HPSE2: variants seen among roughly 807,000 people sequenced by gnomAD.
The protein encoded by HPSE2 is heparanase 2 (inactive).
A neutral mutation model predicts 60.5 loss-of-function variants in HPSE2; 38 were observed. The observed-to-expected ratio is 0.63, with a 90% confidence interval of 0.48 to 0.82. The LOEUF (loss-of-function observed/expected upper bound fraction) is 0.82, where lower values mean the gene tolerates loss of function less well. HPSE2 is among the 40% of genes least tolerant of loss of function. The probability of loss-of-function intolerance (pLI) is 0.00; values close to 1 mark genes in which losing one functional copy is unlikely to be tolerated. For missense variants in HPSE2, 713 were observed against 740.4 expected, an observed-to-expected ratio of 0.96 and a Z score of 0.43; for synonymous variants, 295 against 293.2, an observed-to-expected ratio of 1.01 and a Z score of -0.06.
At chr10:99,199,264 C>T (rs1375870805) in intron 2 of HPSE2, among the ~76,000 whole-genome samples, 1 of 152,110 alleles carries the variant, frequency 6.6e-6, no homozygotes, top group East Asian at 1.9e-4. Context: ...TACATAGTGG[C>T]TGCACCATTT....
In HPSE2 at chr10:98,603,593, C is replaced by T. The variant is rs571651739; in HGVS notation, c.1320+11311G>A. On this transcript the variant is annotated intron_variant, in intron 9 of 11. Coordinates refer to ENST00000370552, the MANE Select transcript of HPSE2 (RefSeq NM_021828.5). Reference sequence around the variant, plus strand: ...TACAGGCACACACCACCATGCCAGGCTAATTTTTTGTATTTTAGTAGTAAC... The same window carrying T: ...TACAGGCACACACCACCATGCCAGGTTAATTTTTTGTATTTTAGTAGTAAC... 3.9e-5 allele frequency among the ~76,000 whole-genome samples: 6 copies of T among 152,006 alleles called. No individual in the cohort carries two copies. The South Asian group carries it at 1.3e-3, about 32-fold the overall frequency.
At chr10:99,199,092 T>C (rs1389920847) in intron 2 of HPSE2, among the ~76,000 whole-genome samples, 1 of 152,194 alleles carries the variant, frequency 6.6e-6, no homozygotes. Flanking sequence ...AATCCATCAA[T>C]GGACATTTAG....
At chr10:98,765,950 A>AAAATT (rs1157006448) in intron 3 of HPSE2, among the ~76,000 whole-genome samples, 1 of 152,124 alleles carries the variant, frequency 6.6e-6, no homozygotes, top group Non-Finnish European at 1.5e-5. Context: ...AGAAAGAAAT[A>AAAATT]GAGTAGAAAT....
At chr10:99,231,672 G>A (rs553353946) in intron 2 of HPSE2, among the ~76,000 whole-genome samples, 1 of 151,794 alleles carries the variant, frequency 6.6e-6, no homozygotes, top group African/African-American at 2.4e-5. Flanking sequence ...AAAGAAAGCT[G>A]GCATTTGTAA....
intron 8 of HPSE2, among the ~76,000 whole-genome samples, 154 bp from the exon 9 acceptor site, chr10:98,615,172 C>T (rs965599339): frequency 3.3e-5 from 5 of 152,144 alleles, no homozygotes; most frequent in African/African-American, 9.7e-5. Flanking sequence ...GCATTAAGTT[C>T]ACAGCTGTAA....
At chr10:98,922,641 T>C (rs1744609552) in intron 3 of HPSE2, among the ~76,000 whole-genome samples, 1 of 152,118 alleles carries the variant, frequency 6.6e-6, no homozygotes, top group African/African-American at 2.4e-5. Flanking sequence ...TGGGCACCAA[T>C]TGGGGTGATC....
intron 9 of HPSE2, among the ~76,000 whole-genome samples, chr10:98,508,349 GA>G (rs1277992950): frequency 6.6e-6 from 1 of 152,190 alleles, no homozygotes; most frequent in Non-Finnish European, 1.5e-5. Flanking sequence ...AATAGGAAAA[GA>G]GAAACTGACA....
At chr10:99,235,998 T>G (rs1022750053), upstream of HPSE2, 7 of 480,266 alleles carry the variant, frequency 1.5e-5, no homozygotes, top group African/African-American at 1.6e-4. Context: ...TTTGTTTTTT[T>G]CTTTTTTTTT....
the HPSE2 span, among the ~76,000 whole-genome samples, chr10:99,296,103 T>G: frequency 6.6e-6 from 1 of 152,202 alleles, no homozygotes; most frequent in Non-Finnish European, 1.5e-5. Context: ...TATTTTGAAG[T>G]TTACAGCAAA....
At chr10:99,013,010 TA>T in intron 3 of HPSE2, 1 of 355,080 alleles carries the variant, frequency 2.8e-6, no homozygotes, top group Non-Finnish European at 5.3e-6. Context: ...CAGTTGATTA[TA>T]AATATATCTA....
chr10:99,119,794 C>A (rs1328772513), intron 3 of HPSE2, among the ~76,000 whole-genome samples: 1 of 152,114 alleles, frequency 6.6e-6, no homozygotes, highest in East Asian at 1.9e-4. Context: ...TAAGGCTGCA[C>A]ATCTAAAACC....
intron 3 of HPSE2, among the ~76,000 whole-genome samples, chr10:99,120,073 C>T (rs1271706964): frequency 6.6e-6 from 1 of 152,114 alleles, no homozygotes; most frequent in Non-Finnish European, 1.5e-5. Context: ...GCAATCACGA[C>T]AAAAGCAAAA....
chr10:98,908,426 G>A (rs1375229771), intron 3 of HPSE2, among the ~76,000 whole-genome samples: 13 of 152,274 alleles, frequency 8.5e-5, no homozygotes, highest in African/African-American at 2.9e-4. Flanking sequence ...GCTCACGCCT[G>A]TTATCCCAGC....
chr10:99,059,137 A>AC (rs1357307107), intron 3 of HPSE2, among the ~76,000 whole-genome samples: 3 of 152,336 alleles, frequency 2.0e-5, no homozygotes, highest in African/African-American at 7.2e-5. Context: ...CAGTTTGCAG[A>AC]CCATACTAAA....
At chr10:99,239,522 G>A (rs1043379392), upstream of HPSE2, among the ~76,000 whole-genome samples, 10 of 139,480 alleles carry the variant, frequency 7.2e-5, no homozygotes, top group African/African-American at 1.6e-4. Context: ...CTCCACCTCC[G>A]GGGTTCAAGC....
intron 3 of HPSE2, among the ~76,000 whole-genome samples, chr10:98,866,066 G>A (rs1952580144): frequency 6.6e-6 from 1 of 151,998 alleles, no homozygotes; most frequent in South Asian, 2.1e-4. Flanking sequence ...CTCATGATAT[G>A]AAAAATAATC....
At chr10:98,614,790 T>C in intron 9 of HPSE2, 114 bp downstream of exon 9, 1 of 803,286 alleles carries the variant, frequency 1.2e-6, no homozygotes, top group Non-Finnish European at 2.2e-6. Context: ...GTTCAATGAA[T>C]GAAATTAACT....
At chr10:99,312,312 C>T in the HPSE2 span, among the ~76,000 whole-genome samples, 2 of 152,304 alleles carry the variant, frequency 1.3e-5, no homozygotes, top group East Asian at 3.9e-4. Context: ...AGAGAGATGT[C>T]AACACCTGGC....
chr10:98,742,974 C>CTTTTTTTTTTT (rs35772316), intron 4 of HPSE2, among the ~76,000 whole-genome samples: 6 of 99,782 alleles, frequency 6.0e-5, no homozygotes, highest in African/African-American at 1.1e-4. Context: ...CTTTTCTTTT[C>CTTTTTTTTTTT]TTTTTTTTTT....
Sources: allele counts gnomAD v4.1 joint callset (sites outside exome capture counted in the v4.1 genomes callset), GRCh38; gene constraint gnomAD v4.1.1; transcripts MANE v1.5; gene names NCBI Gene and HGNC (gene_info 2026-07-23, HGNC 2026-07-21).